FAM200A: variants seen among roughly 807,000 people sequenced by gnomAD.
The protein encoded by FAM200A is ZBED8 like.
FAM200A carries 26 observed loss-of-function variants against 44.2 expected under a neutral mutation model. The observed-to-expected ratio is 0.59, with a 90% CI of 0.43 to 0.82. The LOEUF (loss-of-function observed/expected upper bound fraction) is 0.82, where lower values mean the gene tolerates loss of function less well. Ranked by LOEUF, FAM200A falls within the 40% of genes least tolerant of loss-of-function variation. The probability of loss-of-function intolerance (pLI) is 0.00; values close to 1 mark genes in which losing one functional copy is unlikely to be tolerated. For missense variants in FAM200A, 606 were observed against 669.5 expected (o/e 0.91, Z 1.05); for synonymous variants, 206 against 244.4 (o/e 0.84, Z 1.47).
At chr7:99,551,020 A>G (rs920199290) in intron 1 of FAM200A, among the ~76,000 whole-genome samples, 1 of 151,626 alleles carries the variant, frequency 6.6e-6, no homozygotes, top group Non-Finnish European at 1.5e-5. Context: ...GGTTGCAGTG[A>G]GCCGAGATCG....
upstream of FAM200A, among the ~76,000 whole-genome samples, chr7:99,554,939 G>C (rs1396716941): frequency 6.6e-6 from 1 of 152,162 alleles, no homozygotes; most frequent in African/African-American, 2.4e-5. Flanking sequence ...AACTGACCTG[G>C]GAGTTTGGAA....
In FAM200A at chr7:99,546,609, C is replaced by T; in HGVS notation, c.*77G>A. The T allele has an allele frequency of 7.1e-7, 1 of 1,409,956 alleles. No homozygotes were observed. Among genetic ancestry groups the T allele is most frequent in the Non-Finnish European group, 9.2e-7 (1 of 1,081,744 alleles). 87.3% of individuals were successfully genotyped at this position (1,409,956 alleles called of 1,614,324 possible). ...GTCTTGAACTCAAGTGATCTGCCCA[C>T]CTCGGTCTCCCACTGCTGGGATTAC... On this transcript the variant is annotated 3_prime_UTR_variant, in exon 2 of 2. Coordinates refer to ENST00000449309, the MANE Select transcript of FAM200A (RefSeq NM_145111.4).
Position 99,548,401 on chromosome 7 carries a change from G to C in FAM200A, c.7C>G (p.Pro3Ala), listed in dbSNP as rs752464848. The part of the protein sequence containing the change: MT[P>A]ESRDTTDLSP... Reference sequence around the variant, plus strand: ...AAATCTGTAGTATCCCTTGATTCAGGAGTCATTATTCAGGTTCCAGGAACT... The same window carrying C: ...AAATCTGTAGTATCCCTTGATTCAGCAGTCATTATTCAGGTTCCAGGAACT... Residue 3 changes from proline to alanine, a missense_variant, in exon 2 of 2, where the codon CCT (proline) becomes GCT (alanine). Pro to Ala is a conservative substitution (Grantham distance 27). Coordinates refer to ENST00000449309, the MANE Select transcript of FAM200A (RefSeq NM_145111.4). 6.8e-6 allele frequency: 11 copies of C among 1,612,440 alleles called. No homozygotes were observed. The highest frequency in any genetic ancestry group is 1.3e-5 in the African/African-American group (1 of 74,798).
In FAM200A at chr7:99,546,652, C is replaced by A. The variant is rs1241174982; in HGVS notation, c.*34G>T. The A allele has an allele frequency of 3.4e-6, 5 of 1,469,730 alleles. No individual in the cohort carries two copies. In the East Asian group the frequency reaches 1.0e-4, roughly 30 times the overall value. 91.0% of individuals were successfully genotyped at this position (1,469,730 alleles called of 1,614,324 possible). On this transcript the variant is annotated 3_prime_UTR_variant, in exon 2 of 2. Transcript: ENST00000449309. The stretch of plus-strand genomic sequence containing the variant: ...GGGATTACAGGCGTAAGCCACCACA[C>A]CTGGCTATACACAGAATTTTGTAAA...
chr7:99,546,941 A>G lies in FAM200A; in HGVS notation c.1467T>C (p.Tyr489=). ...QLSSSFTLKN[Y]YKILSLSAFW... ...ATGCTGATAAACTTAATATCTTATA[A>G]TAATTCTTTAGTGTGAATGATGAAC... The change falls in exon 2 of 2, where the codon TAT becomes TAC. Residue 489 remains tyrosine, a synonymous_variant. Coordinates refer to ENST00000449309, the MANE Select transcript of FAM200A (RefSeq NM_145111.4). The G allele has an allele frequency of 1.3e-6, 2 of 1,549,346 alleles. No homozygotes were observed. Among genetic ancestry groups the G allele is most frequent in the Non-Finnish European group, 1.7e-6 (2 of 1,146,462 alleles).
At chr7:99,554,288 G>A (rs972154613), upstream of FAM200A, among the ~76,000 whole-genome samples, 2 of 151,972 alleles carry the variant, frequency 1.3e-5, no homozygotes, top group African/African-American at 2.4e-5. Context: ...AGACCAGCCT[G>A]AGCAACATGG....
At position 99,547,567 on chromosome 7, in the gene FAM200A, G is replaced by C. The variant is rs917922804; in HGVS notation, c.841C>G (p.Leu281Val). 8 of 1,551,070 alleles carry C rather than the reference G, an allele frequency of 5.2e-6. No individual in the cohort carries two copies. The highest frequency in any genetic ancestry group is 6.1e-6 in the Non-Finnish European group (7 of 1,146,884). The change falls in exon 2 of 2, where the codon CTC becomes GTC. Residue 281 changes from leucine to valine, a missense_variant. Physicochemically the swap from Leu to Val is conservative, Grantham distance 32 (BLOSUM62 1). Coordinates refer to ENST00000449309, the MANE Select transcript of FAM200A (RefSeq NM_145111.4). ...CCAATCTCTGAACAAAATATTTCGA[G>C]AAGTCGGCTATTCAGTGAGCTTCCT... ...IKGSSLNSRL[L>V]EIFCSEIGVN...
intron 1 of FAM200A, among the ~76,000 whole-genome samples, chr7:99,557,635 T>C (rs1417448335): frequency 1.3e-5 from 2 of 152,242 alleles, no homozygotes; most frequent in Non-Finnish European, 1.5e-5. Flanking sequence ...AGAGAGATTG[T>C]GTCCTAGTAT....
chr7:99,547,594 T>C lies in FAM200A; in HGVS notation c.814A>G (p.Lys272Glu), dbSNP rs753716630. 1.9e-6 allele frequency: 3 copies of C among 1,551,424 alleles called. No homozygotes were observed. The South Asian group carries it at 3.6e-5, about 18-fold the overall frequency. Residue 272 changes from lysine to glutamate, a missense_variant, in exon 2 of 2, where the codon AAA (lysine) becomes GAA (glutamate). Coordinates refer to ENST00000449309, the MANE Select transcript of FAM200A (RefSeq NM_145111.4). Reference sequence around the variant, plus strand: ...AGTCGGCTATTCAGTGAGCTTCCTTTAATAAAATTAACAGTTTTCACTGCA... The same window carrying C: ...AGTCGGCTATTCAGTGAGCTTCCTTCAATAAAATTAACAGTTTTCACTGCA... The part of the protein sequence containing the change: ...KNAVKTVNFI[K>E]GSSLNSRLLE...
At chr7:99,554,462 G>C (rs1481729769), upstream of FAM200A, among the ~76,000 whole-genome samples, 1 of 146,918 alleles carries the variant, frequency 6.8e-6, no homozygotes, top group African/African-American at 2.5e-5. Flanking sequence ...CTGGGCAACA[G>C]GGCGAGACTC....
chr7:99,558,119 T>A (rs912328777), intron 1 of FAM200A, among the ~76,000 whole-genome samples: 1 of 152,156 alleles, frequency 6.6e-6, no homozygotes, highest in Admixed American at 6.5e-5. Flanking sequence ...CCGTCCCCGC[T>A]TTCCCCAAGG....
rs903048759 is a variant in FAM200A, at chr7:99,552,114, C to G, written c.-360G>C. On this transcript the variant is annotated 5_prime_UTR_variant, in exon 1 of 2. Coordinates refer to ENST00000449309, the MANE Select transcript of FAM200A (RefSeq NM_145111.4). The stretch of plus-strand genomic sequence containing the variant: ...CCTTCAGAGCCCAGGGAAAGCGTCA[C>G]AAAAGCCGGAAGTGCGTCACACCCG... 3 of 985,390 alleles carry G rather than the reference C, an allele frequency of 3.0e-6. No homozygotes were observed. The highest frequency in any genetic ancestry group is 2.4e-6 in the Non-Finnish European group (2 of 829,974). The allele number at this position is 985,390 out of a possible 1,614,324, so 61.0% of individuals were successfully genotyped here.
At position 99,547,785 on chromosome 7, in the gene FAM200A, C is replaced by T; in HGVS notation, c.623G>A (p.Gly208Glu). ...QYKLNWKHCK[G>E]ISSDGTANMT... ...ATTTGCTGTTCCATCACTTGAAATT[C>T]CTTTACAATGTTTCCAGTTTAATTT... Residue 208 changes from glycine to glutamate, a missense_variant, in exon 2 of 2, where the codon GGA (glycine) becomes GAA (glutamate). Coordinates refer to ENST00000449309, the MANE Select transcript of FAM200A (RefSeq NM_145111.4). 6.4e-7 allele frequency: 1 copy of T among 1,551,592 alleles called. No individual in the cohort carries two copies. The highest frequency in any genetic ancestry group is 1.2e-5 in the South Asian group (1 of 84,054).
Position 99,546,876 on chromosome 7 carries a change from C to G in FAM200A, c.1532G>C (p.Arg511Thr). Residue 511 changes from arginine (R) to threonine (T), a missense_variant, in exon 2 of 2, where the codon AGG (arginine) becomes ACG (threonine). Physicochemically the swap from Arg to Thr is moderately conservative, Grantham distance 71. Coordinates refer to ENST00000449309, the MANE Select transcript of FAM200A (RefSeq NM_145111.4). The part of the protein sequence containing the change: ...KIKDDFPLLS[R>T]KSILLLLPFT... Reference sequence around the variant, plus strand: ...TGGTAGTAACAGCAATATACTCTTCCTACTTAGCAGTGGAAAGTCATCTTT... The same window carrying G: ...TGGTAGTAACAGCAATATACTCTTCGTACTTAGCAGTGGAAAGTCATCTTT... The G allele has an allele frequency of 6.4e-7, 1 of 1,550,448 alleles. No individual in the cohort carries two copies. The highest frequency in any genetic ancestry group is 8.7e-7 in the Non-Finnish European group (1 of 1,146,636).
Position 99,546,947 on chromosome 7 carries a change from C to A in FAM200A, c.1461G>T (p.Lys487Asn). The change falls in exon 2 of 2, where the codon AAG (lysine) becomes AAT (asparagine). Residue 487 changes from lysine to asparagine, a missense_variant. By Grantham distance (94) the Lys-to-Asn change is moderately conservative (BLOSUM62 0). Coordinates refer to ENST00000449309, the MANE Select transcript of FAM200A (RefSeq NM_145111.4). ...ATAAACTTAATATCTTATAATAATT[C>A]TTTAGTGTGAATGATGAACTGAGCT... ...LLQLSSSFTL[K>N]NYYKILSLSA... The A allele has an allele frequency of 6.5e-7, 1 of 1,549,638 alleles. No individual in the cohort carries two copies. The highest frequency in any genetic ancestry group is 8.7e-7 in the Non-Finnish European group (1 of 1,146,572).
chr7:99,548,234 C>G lies in FAM200A; in HGVS notation c.174G>C (p.Glu58Asp). The G allele has an allele frequency of 6.8e-6, 11 of 1,607,900 alleles. No homozygotes were observed. The highest frequency in any genetic ancestry group is 9.3e-6 in the Non-Finnish European group (11 of 1,176,820). Reference sequence around the variant, plus strand: ...CTAAATACGATGACAATAAGGCTCTCTCATTCATAGTTGTAGAGCGACTGA... The same window carrying G: ...CTAAATACGATGACAATAAGGCTCTGTCATTCATAGTTGTAGAGCGACTGA... ...QVLSRSTTMN[E>D]RALLSSYLVA... is the part of the protein sequence containing the mutation. Residue 58 changes from glutamate (E) to aspartate (D), a missense_variant, in exon 2 of 2, where the codon GAG becomes GAC. By Grantham distance (45) the Glu-to-Asp change is conservative. Transcript: ENST00000449309.
At chr7:99,553,068 C>CATATATATATATATAT (rs745655559), upstream of FAM200A, among the ~76,000 whole-genome samples, 14 of 89,362 alleles carry the variant, frequency 1.6e-4, no homozygotes, top group East Asian at 1.1e-3. Context: ...TATATACACA[C>CATATATATATATATAT]ACATATATAT....
upstream of FAM200A, chr7:99,552,138 C>A: frequency 1.0e-6 from 1 of 985,500 alleles, no homozygotes; most frequent in Non-Finnish European, 1.2e-6. Context: ...GCGTCACACC[C>A]GCCTTCCGGA....
intron 1 of FAM200A, among the ~76,000 whole-genome samples, 154 bp from the exon 2 acceptor site, chr7:99,548,660 G>A (rs539065739): frequency 6.6e-6 from 1 of 152,204 alleles, no homozygotes; most frequent in South Asian, 2.1e-4. Flanking sequence ...GGGAGATTTG[G>A]TGTACTATAT....
Sources: allele counts gnomAD v4.1 joint callset (sites outside exome capture counted in the v4.1 genomes callset), GRCh38; gene constraint gnomAD v4.1.1; transcripts MANE v1.5; gene names NCBI Gene and HGNC (gene_info 2026-07-23, HGNC 2026-07-21).